AUTS2: variants seen among roughly 807,000 people sequenced by gnomAD.
AUTS2 encodes the protein autism susceptibility gene 2 protein.
A neutral mutation model predicts 112.4 loss-of-function variants in AUTS2; 17 were observed. The ratio of observed to expected loss-of-function variants is 0.15; its 90% confidence interval spans 0.10 to 0.23. The LOEUF (loss-of-function observed/expected upper bound fraction) is 0.23. AUTS2 is among the 10% of genes least tolerant of loss of function. The pLI, the probability that AUTS2 is intolerant of heterozygous loss-of-function variation, is 1.00. For synonymous variants in AUTS2, 751 were observed against 702.7 expected, an observed-to-expected ratio of 1.07 and a Z score of -1.09; for missense variants, 1,510 against 1,701.6, an observed-to-expected ratio of 0.89 and a Z score of 1.98.
chr7:70,730,910 A>G (rs1787346214), intron 6 of AUTS2, among the ~76,000 whole-genome samples: 1 of 152,176 alleles, frequency 6.6e-6, no homozygotes, highest in African/African-American at 2.4e-5. Flanking sequence ...ACTTGTCAGC[A>G]CTTGCTATTG....
intron 1 of AUTS2, among the ~76,000 whole-genome samples, chr7:69,656,246 G>T (rs143252586): frequency 6.6e-6 from 1 of 152,150 alleles, no homozygotes; most frequent in Non-Finnish European, 1.5e-5. Flanking sequence ...GAATCTTGAC[G>T]CAGCTGACCC....
At chr7:70,450,013 G>T (rs748416601) in intron 5 of AUTS2, among the ~76,000 whole-genome samples, 30 of 152,176 alleles carry the variant, frequency 2.0e-4, no homozygotes, top group Non-Finnish European at 8.8e-5. Flanking sequence ...CAAAGGGATT[G>T]TGGTCAACCT....
intron 4 of AUTS2, among the ~76,000 whole-genome samples, chr7:70,230,122 A>G (rs764367449): frequency 2.0e-5 from 3 of 151,898 alleles, no homozygotes; most frequent in Non-Finnish European, 4.4e-5. Flanking sequence ...GTAAAATTTT[A>G]ATTTTTTGCA....
At chr7:70,599,675 A>G (rs1398935917) in intron 5 of AUTS2, among the ~76,000 whole-genome samples, 2 of 152,180 alleles carry the variant, frequency 1.3e-5, no homozygotes, top group African/African-American at 2.4e-5. Context: ...ATCAATACCT[A>G]TGGGAAGGAG....
chr7:69,702,998 G>A (rs1170238477), intron 1 of AUTS2, among the ~76,000 whole-genome samples: 2 of 152,160 alleles, frequency 1.3e-5, no homozygotes, highest in African/African-American at 4.8e-5. Context: ...TATTAGGTTG[G>A]TGCAAAATAA....
intron 5 of AUTS2, among the ~76,000 whole-genome samples, chr7:70,692,952 G>A (rs1563131775): frequency 6.6e-6 from 1 of 152,136 alleles, no homozygotes. Context: ...CACACTCCAG[G>A]TAACGGTGGC....
At chr7:70,780,549 G>A (rs1262184667) in intron 14 of AUTS2, among the ~76,000 whole-genome samples, 1 of 151,912 alleles carries the variant, frequency 6.6e-6, no homozygotes, top group East Asian at 1.9e-4. Context: ...CTGATCTTTT[G>A]TATTTTAGTA....
chr7:69,769,829 A>G (rs1230650900), intron 1 of AUTS2, among the ~76,000 whole-genome samples: 1 of 152,254 alleles, frequency 6.6e-6, no homozygotes, highest in Non-Finnish European at 1.5e-5. Context: ...AGCTGTAGCT[A>G]AGAAATGGAG....
At chr7:69,646,733 G>C (rs1019840924) in intron 1 of AUTS2, among the ~76,000 whole-genome samples, 2 of 152,174 alleles carry the variant, frequency 1.3e-5, no homozygotes, top group Non-Finnish European at 1.5e-5. Flanking sequence ...AGGAGGCCAG[G>C]CTGTCTTTGT....
At chr7:70,348,442 T>C (rs1480646843) in intron 4 of AUTS2, among the ~76,000 whole-genome samples, 1 of 152,118 alleles carries the variant, frequency 6.6e-6, no homozygotes, top group African/African-American at 2.4e-5. Flanking sequence ...TTATAAGGTG[T>C]TGTTTCTATT....
chr7:70,104,192 C>G (rs1288893137), intron 2 of AUTS2, among the ~76,000 whole-genome samples: 7 of 148,094 alleles, frequency 4.7e-5, no homozygotes, highest in Non-Finnish European at 8.9e-5. Context: ...TTTTTTTTTA[C>G]CAGCAGCTCA....
intron 1 of AUTS2, among the ~76,000 whole-genome samples, chr7:69,855,861 G>C (rs1792697431): frequency 6.6e-6 from 1 of 152,166 alleles, no homozygotes. Context: ...TCAGTCTTAG[G>C]GACTTGTCAA....
intron 1 of AUTS2, among the ~76,000 whole-genome samples, chr7:69,713,190 T>C (rs1327465653): frequency 6.6e-6 from 1 of 152,194 alleles, no homozygotes; most frequent in African/African-American, 2.4e-5. Context: ...TAAATCAGGG[T>C]ATTTAGCATA....
At chr7:69,949,050 G>A (rs908704342) in intron 2 of AUTS2, among the ~76,000 whole-genome samples, 11 of 152,002 alleles carry the variant, frequency 7.2e-5, no homozygotes, top group Non-Finnish European at 1.2e-4. Flanking sequence ...TAAGTAATCC[G>A]CCTGCCTTGG....
intron 4 of AUTS2, among the ~76,000 whole-genome samples, chr7:70,232,026 G>A (rs1055684994): frequency 6.6e-6 from 1 of 152,112 alleles, no homozygotes; most frequent in African/African-American, 2.4e-5. Flanking sequence ...GCCCACCTCA[G>A]CCTCCCTAAG....
chr7:70,380,123 G>T (rs1297100650), intron 4 of AUTS2, among the ~76,000 whole-genome samples: 1 of 152,060 alleles, frequency 6.6e-6, no homozygotes, highest in Non-Finnish European at 1.5e-5. Context: ...AGTCTTCTTG[G>T]AGCTCTTCAG....
intron 4 of AUTS2, among the ~76,000 whole-genome samples, chr7:70,213,456 A>C (rs1287532656): frequency 6.6e-6 from 1 of 151,170 alleles, no homozygotes. Flanking sequence ...TCACTGGATC[A>C]CTTGAGGAGT....
At chr7:70,341,964 G>A (rs189468552) in intron 4 of AUTS2, among the ~76,000 whole-genome samples, 17 of 152,302 alleles carry the variant, frequency 1.1e-4, no homozygotes, top group Admixed American at 2.0e-4. Context: ...TTGGGCCCGG[G>A]ACAGCTATAG....
At chr7:70,639,167 G>T (rs1050691908) in intron 5 of AUTS2, among the ~76,000 whole-genome samples, 1 of 152,052 alleles carries the variant, frequency 6.6e-6, no homozygotes. Flanking sequence ...CCCCGCTGCC[G>T]CCGCCACCAC....
Sources: allele counts gnomAD v4.1 joint callset (sites outside exome capture counted in the v4.1 genomes callset), GRCh38; gene constraint gnomAD v4.1.1; transcripts MANE v1.5; gene names NCBI Gene and HGNC (gene_info 2026-07-23, HGNC 2026-07-21).